The following LMNTD1 variants were observed in gnomAD, a reference collection of about 807,000 sequenced individuals.
The protein encoded by LMNTD1 is lamin tail domain containing 1, also known as lamin tail domain-containing protein 1.
In LMNTD1, 35 loss-of-function variants were observed where a neutral mutation model predicts 50.9. The observed-to-expected ratio is 0.69, with a 90% CI of 0.53 to 0.91. The LOEUF is 0.91. Ranked by LOEUF, LMNTD1 falls within the 40% of genes least tolerant of loss-of-function variation. The pLI is 0.00. For missense variants in LMNTD1, 470 were observed against 475.5 expected, an observed-to-expected ratio of 0.99 and a Z score of 0.11; for synonymous variants, 153 against 161.9, an observed-to-expected ratio of 0.94 and a Z score of 0.42.
At chr12:25,526,679 T>C (rs1386968846) in intron 5 of LMNTD1, 90 bp downstream of exon 5, 1 of 841,316 alleles carries the variant, frequency 1.2e-6, no homozygotes, top group African/African-American at 1.7e-5. Context: ...GATAGAGTGA[T>C]AACGAGACAG....
intron 1 of LMNTD1, among the ~76,000 whole-genome samples, chr12:25,602,142 G>T (rs747886306): frequency 6.6e-6 from 1 of 151,832 alleles, no homozygotes; most frequent in Admixed American, 6.6e-5. Context: ...AAGGGGTACT[G>T]ACTGGGCCAT....
intron 1 of LMNTD1, among the ~76,000 whole-genome samples, chr12:25,583,475 TTA>T (rs1473610504): frequency 6.6e-6 from 1 of 152,148 alleles, no homozygotes; most frequent in Non-Finnish European, 1.5e-5. Context: ...AAAAATATCT[TTA>T]GACAATATAG....
intron 9 of LMNTD1, among the ~76,000 whole-genome samples, chr12:25,499,337 G>A (rs1388413524): frequency 1.3e-5 from 2 of 152,162 alleles, no homozygotes; most frequent in Non-Finnish European, 2.9e-5. Context: ...TTACAGGCAT[G>A]AGCCACAGTG....
At chr12:25,568,218 C>T (rs539203823) in intron 1 of LMNTD1, among the ~76,000 whole-genome samples, 36 of 152,234 alleles carry the variant, frequency 2.4e-4, no homozygotes, top group South Asian at 1.2e-3. Context: ...CCTAGGGATC[C>T]GTGGAAGTTT....
intron 1 of LMNTD1, among the ~76,000 whole-genome samples, chr12:25,623,244 C>G (rs957737719): frequency 6.6e-6 from 1 of 151,812 alleles, no homozygotes; most frequent in Non-Finnish European, 1.5e-5. Context: ...ACATTAAACT[C>G]ATAAACTGCT....
chr12:25,511,346 G>A (rs1940276666), intron 8 of LMNTD1, among the ~76,000 whole-genome samples: 1 of 152,106 alleles, frequency 6.6e-6, no homozygotes, highest in Non-Finnish European at 1.5e-5. Context: ...GAAGGAAAAG[G>A]AGTAGAGAAA....
chr12:25,635,696 G>T (rs1178288641), intron 1 of LMNTD1, among the ~76,000 whole-genome samples: 1 of 152,082 alleles, frequency 6.6e-6, no homozygotes, highest in Non-Finnish European at 1.5e-5. Flanking sequence ...TAAGCAAAAA[G>T]AACAAATCTG....
At chr12:25,519,190 C>T (rs1941045977) in intron 7 of LMNTD1, among the ~76,000 whole-genome samples, 1 of 152,164 alleles carries the variant, frequency 6.6e-6, no homozygotes, top group African/African-American at 2.4e-5. Flanking sequence ...AGATAAAATT[C>T]CTGGATAATG....
At chr12:25,593,253 A>G (rs891499540) in intron 1 of LMNTD1, among the ~76,000 whole-genome samples, 4 of 152,162 alleles carry the variant, frequency 2.6e-5, no homozygotes, top group Non-Finnish European at 5.9e-5. Context: ...GAGGCCAACC[A>G]TCACAAAAAT....
intron 1 of LMNTD1, among the ~76,000 whole-genome samples, chr12:25,617,987 G>T (rs1428097789): frequency 6.6e-6 from 1 of 152,186 alleles, no homozygotes; most frequent in Non-Finnish European, 1.5e-5. Flanking sequence ...GCAGGAAAGG[G>T]GTTGATGTAC....
chr12:25,520,137 G>GATATAT (rs1491562549), intron 6 of LMNTD1, 62 bp from the exon 7 acceptor site: 2 of 275,576 alleles, frequency 7.3e-6, no homozygotes, highest in Non-Finnish European at 1.3e-5. Flanking sequence ...ATGCTGTTAT[G>GATATAT]AGATATACAT....
intron 1 of LMNTD1, among the ~76,000 whole-genome samples, chr12:25,611,045 A>G (rs1946230037): frequency 6.6e-6 from 1 of 152,220 alleles, no homozygotes; most frequent in African/African-American, 2.4e-5. Context: ...TCAAAGAAGC[A>G]GAGAAGGAAA....
chr12:25,648,487 CACTT>C lies in LMNTD1; in HGVS notation c.58+3_58+6del, dbSNP rs1317937876. On this transcript the variant is annotated splice_donor_5th_base_variant and intron_variant, in intron 1 of 7. Transcript: ENST00000445693. The stretch of plus-strand genomic sequence containing the variant: ...TGGGGAAAATCCAGCATTCATTTCT[CACTT>C]ACTGTGGTGGGTCTGGACTCTGGAA... 4.5e-6 allele frequency: 7 copies of C among 1,550,768 alleles called. No individual in the cohort carries two copies. In the South Asian group the frequency reaches 7.1e-5, roughly 16 times the overall value.
intron 4 of LMNTD1, among the ~76,000 whole-genome samples, chr12:25,537,205 C>G (rs1218019699): frequency 1.3e-5 from 2 of 152,162 alleles, no homozygotes; most frequent in African/African-American, 4.8e-5. Flanking sequence ...CCTGGAAGCT[C>G]GAACTGGGTG....
At position 25,517,236 on chromosome 12, in the gene LMNTD1, T is replaced by A. The variant is rs1179997407; in HGVS notation, c.1189+1559A>T. 3.3e-5 allele frequency among the ~76,000 whole-genome samples: 2 copies of A among 60,506 alleles called. 1 individual carries two copies. Among genetic ancestry groups the A allele is most frequent in the Non-Finnish European group, 9.7e-5 (2 of 20,704 alleles). The allele number at this position is 60,506 out of a possible 152,430, so 39.7% of individuals were successfully genotyped here. A position where few individuals can be genotyped will look rare whatever the true frequency, so the allele number is the denominator to read the frequency against. On this transcript the variant is annotated intron_variant, in intron 8 of 9. Transcript: ENST00000458174. ...ATACCCAAAGGACTATAAATCATGC[T>A]GCTATAAAGACACATGCACACATAT...
chr12:25,532,428 C>T (rs1942288756), intron 4 of LMNTD1, among the ~76,000 whole-genome samples: 1 of 152,008 alleles, frequency 6.6e-6, no homozygotes. Context: ...CCCTAAATGC[C>T]AACTTTTATT....
intron 1 of LMNTD1, among the ~76,000 whole-genome samples, chr12:25,613,913 T>C (rs1255840284): frequency 6.6e-6 from 1 of 151,744 alleles, no homozygotes; most frequent in Non-Finnish European, 1.5e-5. Context: ...TAAATACAGC[T>C]GGCAGCTGAG....
At chr12:25,489,191 G>T (rs1188209896) in intron 9 of LMNTD1, among the ~76,000 whole-genome samples, 16 of 152,034 alleles carry the variant, frequency 1.1e-4, no homozygotes, top group Admixed American at 3.9e-4. Context: ...GTTTACCTAA[G>T]CAAGCCTGGG....
At chr12:25,595,694 C>G (rs766119603) in intron 1 of LMNTD1, among the ~76,000 whole-genome samples, 1 of 151,908 alleles carries the variant, frequency 6.6e-6, no homozygotes, top group Admixed American at 6.6e-5. Flanking sequence ...ACAAGCCAAA[C>G]CCAAACCTAG....
Sources: allele counts gnomAD v4.1 joint callset (sites outside exome capture counted in the v4.1 genomes callset), GRCh38; gene constraint gnomAD v4.1.1; transcripts MANE v1.5; gene names NCBI Gene and HGNC (gene_info 2026-07-23, HGNC 2026-07-21).